The following METTL16 variants were observed in gnomAD, a reference collection of about 807,000 sequenced individuals.
METTL16 encodes the protein RNA N(6)-adenosine-methyltransferase METTL16.
In METTL16, 19 loss-of-function variants were observed where a neutral mutation model predicts 57.9. The observed-to-expected ratio is 0.33, with a 90% CI of 0.23 to 0.48. METTL16 has a LOEUF of 0.48. Among genes scored for constraint, METTL16 ranks in the 20% least tolerant of loss-of-function variants. The pLI, the probability that METTL16 is intolerant of heterozygous loss-of-function variation, is 0.99. For missense variants in METTL16, 434 were observed against 691.5 expected, an observed-to-expected ratio of 0.63 and a Z score of 4.18; for synonymous variants, 246 against 255.6, an observed-to-expected ratio of 0.96 and a Z score of 0.36.
rs1334762659 is a variant in METTL16, at chr17:2,506,902, C to T, written c.1-4571G>A. Among the ~76,000 whole-genome samples, 12 of 151,470 alleles carry T rather than the reference C, an allele frequency of 7.9e-5. 1 individual carries two copies. In the South Asian group the frequency reaches 2.5e-3, roughly 32 times the overall value. Reference sequence around the variant, plus strand: ...GGGGAGCGCCTCTGCCCTGCCGCCCCGTCTGGGATGTGAGGAGCATCTCTG... The same window carrying T: ...GGGGAGCGCCTCTGCCCTGCCGCCCTGTCTGGGATGTGAGGAGCATCTCTG... On this transcript the variant is annotated intron_variant, in intron 1 of 9. Transcript: ENST00000263092.
chr17:2,417,280 T>C lies in METTL16; in HGVS notation c.*2690A>G, dbSNP rs1331510819. On this transcript the variant is annotated 3_prime_UTR_variant, in exon 10 of 10. Coordinates refer to ENST00000263092, the MANE Select transcript of METTL16 (RefSeq NM_024086.4). ...GGTTTCGCCATGTTGGCCAGGCTGG[T>C]CTCAAACTCCCGACCTCATGCGATG... 6.6e-6 allele frequency: 1 copy of C among 152,022 alleles called. No individual in the cohort carries two copies. Among genetic ancestry groups the C allele is most frequent in the Non-Finnish European group, 1.5e-5 (1 of 68,084 alleles). The allele number at this position is 152,022 out of a possible 1,614,324, so 9.4% of individuals were successfully genotyped here. A position where few individuals can be genotyped will look rare whatever the true frequency, so the allele number is the denominator to read the frequency against.
chr17:2,467,913 G>T, intron 4 of METTL16, 37 bp from the exon 5 acceptor site: 1 of 1,404,748 alleles, frequency 7.1e-7, no homozygotes, highest in Non-Finnish European at 1.0e-6. Context: ...TAATATTAAT[G>T]TTGCAGTGGT....
chr17:2,456,333 A>G (rs758350843), intron 6 of METTL16, among the ~76,000 whole-genome samples: 6 of 152,226 alleles, frequency 3.9e-5, no homozygotes, highest in Non-Finnish European at 8.8e-5. Context: ...GGTCAAACGT[A>G]GCCATTCATA....
At chr17:2,444,896 A>G (rs1384755135) in intron 6 of METTL16, among the ~76,000 whole-genome samples, 33 of 152,004 alleles carry the variant, frequency 2.2e-4, no homozygotes, top group Non-Finnish European at 1.8e-4. Flanking sequence ...TTGTATTTTT[A>G]GTAGTGACAG....
chr17:2,496,981 G>A (rs939433905), intron 2 of METTL16, among the ~76,000 whole-genome samples: 20 of 151,486 alleles, frequency 1.3e-4, no homozygotes, highest in African/African-American at 4.6e-4. Context: ...ACTTATGTAT[G>A]GCATATCGTT....
intron 8 of METTL16, among the ~76,000 whole-genome samples, chr17:2,429,007 C>T (rs565420603): frequency 2.9e-4 from 44 of 150,046 alleles, no homozygotes; most frequent in African/African-American, 1.0e-3. Flanking sequence ...TACAGGTATG[C>T]GCCACCAGGC....
intron 8 of METTL16, among the ~76,000 whole-genome samples, chr17:2,433,491 G>A (rs1429215459): frequency 3.3e-5 from 5 of 152,184 alleles, no homozygotes; most frequent in Non-Finnish European, 7.3e-5. Flanking sequence ...AGCAAGATGT[G>A]AGGCCATCAT....
In METTL16 at chr17:2,477,884, G is replaced by C. The variant is rs748124090; in HGVS notation, c.130C>G (p.Leu44Val). The C allele has an allele frequency of 3.7e-6, 6 of 1,612,622 alleles. No individual in the cohort carries two copies. The highest frequency in any genetic ancestry group is 3.3e-5 in the South Asian group (3 of 91,022). Residue 44 changes from leucine to valine, a missense_variant and splice_region_variant, in exon 3 of 10, where the codon CTT becomes GTT. Physicochemically the swap from Leu to Val is conservative, Grantham distance 32 (BLOSUM62 1). This residue lies in a region of METTL16 where 118 missense variants were observed against 280.0 expected (regional missense o/e 0.42). Transcript: ENST00000263092. The stretch of plus-strand genomic sequence containing the variant: ...ACTGCTTCGGGGTCTTTAAAATTAA[G>C]GCTGAGGAATAAAGAAAAGGAAGTA... Reference protein sequence around the residue: ...VQINLNGRVSLNFKDPEAVRA... With the variant: ...VQINLNGRVSVNFKDPEAVRA...
chr17:2,444,972 T>A (rs920661498), intron 6 of METTL16, among the ~76,000 whole-genome samples: 1 of 151,992 alleles, frequency 6.6e-6, no homozygotes, highest in African/African-American at 2.4e-5. Flanking sequence ...CACTTAGGCC[T>A]CTCAAAGTGC....
At chr17:2,467,921 G>T in intron 4 of METTL16, 45 bp from the exon 5 acceptor site, 1 of 1,356,674 alleles carries the variant, frequency 7.4e-7, no homozygotes, top group South Asian at 1.2e-5. Flanking sequence ...ATGTTGCAGT[G>T]GTTCTAAAGT....
intron 3 of METTL16, among the ~76,000 whole-genome samples, chr17:2,477,251 CTTAACCTCT>C (rs2067275227): frequency 6.6e-6 from 1 of 152,078 alleles, no homozygotes; most frequent in South Asian, 2.1e-4. Context: ...TTGTACTTCC[CTTAACCTCT>C]TGCTCCCTGT....
At chr17:2,500,384 C>A (rs1201312090) in intron 2 of METTL16, among the ~76,000 whole-genome samples, 1 of 151,998 alleles carries the variant, frequency 6.6e-6, no homozygotes, top group Admixed American at 6.5e-5. Context: ...TCAAGTGATT[C>A]TCCTGCCTCA....
intron 8 of METTL16, among the ~76,000 whole-genome samples, chr17:2,425,077 C>A (rs192767473): frequency 5.9e-5 from 9 of 152,238 alleles, no homozygotes; most frequent in East Asian, 3.9e-4. Context: ...ATGAAAAGTC[C>A]TCGTGGGCAG....
At chr17:2,444,745 G>A (rs1476524871) in intron 6 of METTL16, among the ~76,000 whole-genome samples, 2 of 141,756 alleles carry the variant, frequency 1.4e-5, no homozygotes, top group African/African-American at 2.6e-5. Flanking sequence ...ATGGAGTTTC[G>A]CTCTGTCGCC....
intron 5 of METTL16, among the ~76,000 whole-genome samples, chr17:2,465,708 C>CA (rs1198246661): frequency 2.7e-4 from 41 of 150,328 alleles, no homozygotes; most frequent in Middle Eastern, 3.5e-3. Flanking sequence ...AATAAAAATG[C>CA]AAAAAAAATT....
intron 7 of METTL16, among the ~76,000 whole-genome samples, chr17:2,439,808 T>G (rs1410008510): frequency 6.6e-6 from 1 of 152,038 alleles, no homozygotes; most frequent in African/African-American, 2.4e-5. Flanking sequence ...ATTTTAGCCC[T>G]AAAAATATAA....
intron 8 of METTL16, among the ~76,000 whole-genome samples, chr17:2,422,945 T>C (rs560250889): frequency 1.3e-5 from 2 of 152,222 alleles, no homozygotes; most frequent in African/African-American, 2.4e-5. Flanking sequence ...ATTGCGCCAC[T>C]GCACTCCAGC....
At chr17:2,489,738 A>AAAAAAAAAAAC in intron 2 of METTL16, among the ~76,000 whole-genome samples, 1 of 149,768 alleles carries the variant, frequency 6.7e-6, no homozygotes, top group African/African-American at 2.5e-5. Context: ...GACTCAAAAA[A>AAAAAAAAAAAC]AAAAAAAAAA....
At chr17:2,497,152 C>T (rs1301584960) in intron 2 of METTL16, among the ~76,000 whole-genome samples, 4 of 150,550 alleles carry the variant, frequency 2.7e-5, no homozygotes, top group East Asian at 2.0e-4. Context: ...ATCACAAGTG[C>T]GCACCATCAC....
Sources: allele counts gnomAD v4.1 joint callset (sites outside exome capture counted in the v4.1 genomes callset), GRCh38; gene constraint gnomAD v4.1.1; regional missense constraint gnomAD v4.1.1; transcripts MANE v1.5; gene names NCBI Gene and HGNC (gene_info 2026-07-23, HGNC 2026-07-21).